Variants in CAMP observed in about 807,000 individuals in gnomAD.
The protein encoded by CAMP is 18 kDa cationic antimicrobial protein.
In CAMP, 10 loss-of-function variants were observed where a neutral mutation model predicts 12.7. The observed-to-expected ratio is 0.79, with a 90% CI of 0.49 to 1.34. The LOEUF (loss-of-function observed/expected upper bound fraction) is 1.34. Ranked by LOEUF, CAMP falls within the 40% of genes most tolerant of loss-of-function variation. CAMP has a pLI of 0.00. For synonymous variants in CAMP, 87 were observed against 85.2 expected (o/e 1.02, Z -0.12); for missense variants, 205 against 213.0 (o/e 0.96, Z 0.23).
At chr3:48,224,704 T>G in intron 3 of CAMP, 30 bp downstream of exon 3, 2 of 1,517,056 alleles carry the variant, frequency 1.3e-6, no homozygotes, top group Non-Finnish European at 1.8e-6. Flanking sequence ...ATGCAGGGGC[T>G]GATGGGGGCA....
chr3:48,224,402 A>G lies in CAMP; in HGVS notation c.250A>G (p.Thr84Ala), dbSNP rs2033474456. The change falls in exon 2 of 4, where the codon ACA (threonine) becomes GCA (alanine). Residue 84 changes from threonine (T) to alanine (A), a missense_variant. By Grantham distance (58) the Thr-to-Ala change is moderately conservative. Transcript: ENST00000652295. ...PKPVSFTVKE[T>A]VCPRTTQQSP... Reference sequence around the variant, plus strand: ...GCCTGTGAGCTTCACAGTGAAGGAGACAGTGTGCCCCAGGACGACACAGCA... The same window carrying G: ...GCCTGTGAGCTTCACAGTGAAGGAGGCAGTGTGCCCCAGGACGACACAGCA... The G allele has an allele frequency of 1.9e-6, 3 of 1,613,936 alleles. No homozygotes were observed. Among genetic ancestry groups the G allele is most frequent in the Non-Finnish European group, 1.7e-6 (2 of 1,179,900 alleles).
At chr3:48,224,803 C>T (rs913631520) in intron 3 of CAMP, 129 bp downstream of exon 3, 9 of 732,886 alleles carry the variant, frequency 1.2e-5, no homozygotes, top group Non-Finnish European at 1.9e-5. Flanking sequence ...TTCCCCAAAC[C>T]TGAGTTCCAT....
At position 48,225,478 on chromosome 3, in the gene CAMP, G is replaced by A. The variant is rs905877578; in HGVS notation, c.*54G>A. The A allele has an allele frequency of 6.5e-6, 10 of 1,547,278 alleles. No homozygotes were observed. In the African/African-American group the frequency reaches 1.2e-4, roughly 19 times the overall value. The stretch of plus-strand genomic sequence containing the variant: ...GGGCTCTGAGAAATAAACTATGAGA[G>A]CAATTTCCTCAGGCTTCAGTCTCAC... On this transcript the variant is annotated 3_prime_UTR_variant, in exon 4 of 4. Transcript: ENST00000652295.
Position 48,224,824 on chromosome 3 carries a change from G to A in CAMP, c.381+150G>A, listed in dbSNP as rs371399388. On this transcript the variant is annotated intron_variant, in intron 3 of 3. Transcript: ENST00000652295. ...AAACCTGAGTTCCATCTCCAGGGCC[G>A]GCTCTGGAATCCCTTAGAGCGGTAG... 2,134 of 665,412 alleles carry A rather than the reference G, an allele frequency of 3.2e-3. 49 individuals carry two copies. In the South Asian group the frequency reaches 0.035, roughly 11 times the overall value. 41.2% of individuals were successfully genotyped at this position (665,412 alleles called of 1,614,324 possible). A position where few individuals can be genotyped will look rare whatever the true frequency, so the allele number is the denominator to read the frequency against.
chr3:48,225,178 C>T, intron 3 of CAMP, 115 bp from the exon 4 acceptor site: 2 of 974,254 alleles, frequency 2.1e-6, no homozygotes, highest in Non-Finnish European at 1.6e-6. Flanking sequence ...TGAACTGGGG[C>T]CCCAAAGCTC....
chr3:48,224,802 C>A (rs569086549), intron 3 of CAMP, 128 bp downstream of exon 3: 6 of 740,422 alleles, frequency 8.1e-6, no homozygotes, highest in Admixed American at 2.4e-5. Flanking sequence ...CTTCCCCAAA[C>A]CTGAGTTCCA....
chr3:48,223,774 G>A, intron 1 of CAMP, 62 bp downstream of exon 1: 1 of 1,286,898 alleles, frequency 7.8e-7, no homozygotes, highest in Non-Finnish European at 1.1e-6. Flanking sequence ...TGTTCCTTCT[G>A]CTCCTGCTGC....
intron 1 of CAMP, among the ~76,000 whole-genome samples, chr3:48,224,148 T>A (rs1166709525): frequency 6.6e-6 from 1 of 151,978 alleles, no homozygotes. Context: ...TTGTTAGAGC[T>A]CATCTGAGGT....
Position 48,225,484 on chromosome 3 carries a change from T to G in CAMP, c.*60T>G. ...TGAGAAATAAACTATGAGAGCAATT[T>G]CCTCAGGCTTCAGTCTCACTTGTTT... On this transcript the variant is annotated 3_prime_UTR_variant, in exon 4 of 4. Transcript: ENST00000652295. 1 of 1,517,774 alleles carries G rather than the reference T, an allele frequency of 6.6e-7. No individual in the cohort carries two copies. The highest frequency in any genetic ancestry group is 1.4e-5 in the African/African-American group (1 of 72,536). The allele number at this position is 1,517,774 out of a possible 1,614,324, so 94.0% of individuals were successfully genotyped here. A position where few individuals can be genotyped will look rare whatever the true frequency, so the allele number is the denominator to read the frequency against.
At position 48,223,625 on chromosome 3, in the gene CAMP, T is replaced by C. The variant is rs1488060575; in HGVS notation, c.114T>C (p.Ala38=). ...CCCAGGTCCTCAGCTACAAGGAAGC[T>C]GTGCTTCGTGCTATAGATGGCATCA... ...IIAQVLSYKE[A]VLRAIDGINQ... is the part of the protein sequence containing the mutation. The change falls in exon 1 of 4, where the codon GCT becomes GCC. Residue 38 remains alanine (A), a synonymous_variant. Coordinates refer to ENST00000652295, the MANE Select transcript of CAMP (RefSeq NM_004345.5). The C allele has an allele frequency of 9.9e-6, 16 of 1,614,048 alleles. No homozygotes were observed. The highest frequency in any genetic ancestry group is 1.4e-5 in the Non-Finnish European group (16 of 1,180,020).
chr3:48,224,813 T>C, intron 3 of CAMP, 139 bp downstream of exon 3: 5 of 694,706 alleles, frequency 7.2e-6, no homozygotes, highest in Middle Eastern at 4.1e-4. Context: ...CTGAGTTCCA[T>C]CTCCAGGGCC....
rs1283301010 is a variant in CAMP, at chr3:48,224,691, G to A, written c.381+17G>A. 6.3e-7 allele frequency: 1 copy of A among 1,586,844 alleles called. No individual in the cohort carries two copies. ...TGTGATAAGGTGAGTGGGCTGTTCT[G>A]GGATGCAGGGGCTGATGGGGGCATA... is the stretch of plus-strand genomic sequence containing the variant. On this transcript the variant is annotated intron_variant, in intron 3 of 3. Transcript: ENST00000652295.
In CAMP at chr3:48,223,516, A is replaced by G. The variant is rs2033451296; in HGVS notation, c.5A>G (p.Lys2Arg). Residue 2 changes from lysine to arginine, a missense_variant, in exon 1 of 4, where the codon AAG (lysine) becomes AGG (arginine). Coordinates refer to ENST00000652295, the MANE Select transcript of CAMP (RefSeq NM_004345.5). ...AGGGAGGCAGACATGGGGACCATGA[A>G]GACCCAAAGGGATGGCCACTCCCTG... M[K>R]TQRDGHSLGR... The G allele has an allele frequency of 1.9e-6, 3 of 1,591,472 alleles. No homozygotes were observed. The highest frequency in any genetic ancestry group is 1.8e-5 in the Admixed American group (1 of 55,916).
rs1278262750 is a variant in CAMP, at chr3:48,224,344, C to T, written c.202-10C>T. 1.3e-6 allele frequency: 2 copies of T among 1,593,616 alleles called. No homozygotes were observed. Among genetic ancestry groups the T allele is most frequent in the African/African-American group, 2.7e-5 (2 of 74,492 alleles). ...CAAGAATGGGCCTCCCCATTTCCTC[C>T]TCTGACTAGGATGGGGACCCAGACA... On this transcript the variant is annotated splice_polypyrimidine_tract_variant and intron_variant, in intron 1 of 3. Transcript: ENST00000652295.
intron 3 of CAMP, 76 bp downstream of exon 3, chr3:48,224,750 TC>T: frequency 8.9e-7 from 1 of 1,117,686 alleles, no homozygotes; most frequent in East Asian, 2.3e-5. Context: ...AATTAACTAC[TC>T]CCCCAACCCA....
In CAMP at chr3:48,225,314, C is replaced by T. The variant is rs1248754464; in HGVS notation, c.403C>T (p.Leu135=). 1.9e-6 allele frequency: 3 copies of T among 1,613,328 alleles called. No homozygotes were observed. The highest frequency in any genetic ancestry group is 1.3e-5 in the African/African-American group (1 of 74,888). ...CDKDNKRFAL[L]GDFFRKSKEK... ...CCAGGATAACAAGAGATTTGCCCTG[C>T]TGGGTGATTTCTTCCGGAAATCTAA... is the stretch of plus-strand genomic sequence containing the variant. The change falls in exon 4 of 4, where the codon CTG becomes TTG. Residue 135 remains leucine (L), a synonymous_variant. Transcript: ENST00000652295.
At chr3:48,225,213 G>A (rs1253526268) in intron 3 of CAMP, 80 bp from the exon 4 acceptor site, 20 of 1,452,720 alleles carry the variant, frequency 1.4e-5, no homozygotes, top group African/African-American at 8.4e-5. Flanking sequence ...GAAGAGGGGC[G>A]TCTAGGTGGG....
chr3:48,223,742 C>T lies in CAMP; in HGVS notation c.201+30C>T, dbSNP rs149022031. 614 of 1,572,086 alleles carry T rather than the reference C, an allele frequency of 3.9e-4. 1 individual carries two copies. In the African/African-American group the frequency reaches 5.7e-3, roughly 14 times the overall value. ...GCTTTGGGGGACATTCTGCTCTGCTCTGGCTGGGCTTGGCCACGTGTTGTT... is the reference window on the plus strand; with the variant it reads ...GCTTTGGGGGACATTCTGCTCTGCTTTGGCTGGGCTTGGCCACGTGTTGTT... On this transcript the variant is annotated intron_variant, in intron 1 of 3. Coordinates refer to ENST00000652295, the MANE Select transcript of CAMP (RefSeq NM_004345.5).
rs747793782 is a variant in CAMP at position 48,224,366 on chromosome 3, G to T, written c.214G>T (p.Asp72Tyr). ...CTCCTCTGACTAGGATGGGGACCCA[G>T]ACACGCCAAAGCCTGTGAGCTTCAC... ...DPRPTMDGDPDTPKPVSFTVK... is the reference protein window; with the variant it reads ...DPRPTMDGDPYTPKPVSFTVK... Residue 72 changes from aspartate (D) to tyrosine (Y), a missense_variant, in exon 2 of 4, where the codon GAC becomes TAC. Physicochemically the swap from Asp to Tyr is radical, Grantham distance 160 (BLOSUM62 -3). Transcript: ENST00000652295. 32 of 1,612,764 alleles carry T rather than the reference G, an allele frequency of 2.0e-5. No individual in the cohort carries two copies. Among genetic ancestry groups the T allele is most frequent in the Middle Eastern group, 3.3e-4 (2 of 6,080 alleles).
Sources: gnomAD v4.1 joint callset for allele counts (sites outside exome capture counted in the v4.1 genomes callset) on GRCh38, gnomAD v4.1.1 for gene constraint, MANE v1.5 for transcripts, NCBI Gene and HGNC (gene_info 2026-07-23, HGNC 2026-07-21) for gene names.